C2CD5: variants seen among roughly 807,000 people sequenced by gnomAD.
C2CD5 encodes the protein C2 calcium dependent domain containing 5, also known as C2 domain-containing protein 5.
In C2CD5, 109 loss-of-function variants were observed where a neutral mutation model predicts 130.3. The ratio of observed to expected loss-of-function variants is 0.84; its 90% confidence interval spans 0.72 to 0.98. The LOEUF is 0.98. Among genes scored for constraint, C2CD5 ranks in the 50% least tolerant of loss-of-function variants. The pLI is 0.00. For synonymous variants in C2CD5, 454 were observed against 429.2 expected, an observed-to-expected ratio of 1.06 and a Z score of -0.71; for missense variants, 996 against 1,261.8, an observed-to-expected ratio of 0.79 and a Z score of 3.19.
chr12:22,489,666 G>A (rs1946083584), intron 12 of C2CD5, among the ~76,000 whole-genome samples: 1 of 151,970 alleles, frequency 6.6e-6, no homozygotes, highest in Non-Finnish European at 1.5e-5. Flanking sequence ...CTATGGACAC[G>A]GAAGGACCAT....
At chr12:22,484,933 C>G (rs3736463) in intron 12 of C2CD5, 45 bp from the exon 13 acceptor site, 6 of 960,790 alleles carry the variant, frequency 6.2e-6, no homozygotes, top group Admixed American at 3.3e-5. Context: ...AAAAATGTAC[C>G]AATTTTTTCA....
At chr12:22,496,668 T>A (rs1305556159) in intron 10 of C2CD5, among the ~76,000 whole-genome samples, 1 of 149,414 alleles carries the variant, frequency 6.7e-6, no homozygotes, top group East Asian at 1.9e-4. Context: ...AATTAATATA[T>A]TTTTATATAC....
Position 22,527,847 on chromosome 12 carries a change from G to A in C2CD5, c.223C>T (p.Leu75Phe). Residue 75 changes from leucine to phenylalanine, a missense_variant, in exon 4 of 27, where the codon CTT (leucine) becomes TTT (phenylalanine). By Grantham distance (22) the Leu-to-Phe change is conservative. This residue lies in a region of C2CD5 where 68 missense variants were observed against 154.5 expected (regional missense o/e 0.44). Coordinates refer to ENST00000446597, the MANE Select transcript of C2CD5 (RefSeq NM_001286176.2). ...LQDEPLQITVLDHDTYSANDA... is the reference protein window; with the variant it reads ...LQDEPLQITVFDHDTYSANDA... ...TTTGCACTGTAAGTATCATGGTCAA[G>A]AACTGTGATCTGTAAAGGTTCATCT... 1 of 1,611,218 alleles carries A rather than the reference G, an allele frequency of 6.2e-7. No individual in the cohort carries two copies. Among genetic ancestry groups the A allele is most frequent in the Non-Finnish European group, 8.5e-7 (1 of 1,178,042 alleles).
chr12:22,528,665 C>A (rs1030196150), intron 3 of C2CD5, among the ~76,000 whole-genome samples: 64 of 152,230 alleles, frequency 4.2e-4, no homozygotes, highest in South Asian at 1.0e-3. Context: ...GAAAATTATA[C>A]TTTTAAAATG....
intron 25 of C2CD5, 111 bp from the exon 26 acceptor site, chr12:22,454,153 T>C (rs1939292041): frequency 1.2e-6 from 1 of 831,808 alleles, no homozygotes; most frequent in Non-Finnish European, 1.8e-6. Flanking sequence ...TATCTTAATA[T>C]ACCAAATAAC....
chr12:22,492,612 C>T (rs757988049), intron 11 of C2CD5, among the ~76,000 whole-genome samples: 8 of 151,802 alleles, frequency 5.3e-5, no homozygotes, highest in Admixed American at 1.3e-4. Flanking sequence ...GAAAGGCAGA[C>T]GAATGCTTTG....
At chr12:22,510,823 TAA>T (rs952652324) in intron 9 of C2CD5, among the ~76,000 whole-genome samples, 2 of 152,108 alleles carry the variant, frequency 1.3e-5, no homozygotes, top group Non-Finnish European at 2.9e-5. Context: ...ACAGGTAAAA[TAA>T]AAGTCTTATT....
chr12:22,544,509 G>A lies in C2CD5; in HGVS notation c.-219C>T, dbSNP rs566645793. On this transcript the variant is annotated 5_prime_UTR_variant, in exon 1 of 27. Coordinates refer to ENST00000446597, the MANE Select transcript of C2CD5 (RefSeq NM_001286176.2). ...TCTCTCCTCCCCCGCTCTCAAAAAT[G>A]GCGGCTCTCGGGGCGCGGAAGAAAG... 113 of 188,244 alleles carry A rather than the reference G, an allele frequency of 6.0e-4. No homozygotes were observed. Among genetic ancestry groups the A allele is most frequent in the Admixed American group, 2.0e-3 (32 of 15,768 alleles). The allele number at this position is 188,244 out of a possible 1,614,324, so 11.7% of individuals were successfully genotyped here. A position where few individuals can be genotyped will look rare whatever the true frequency, so the allele number is the denominator to read the frequency against.
At position 22,489,850 on chromosome 12, in the gene C2CD5, C is replaced by CA. The variant is rs1055049425; in HGVS notation, c.1358+272dup. 3.3e-3 allele frequency among the ~76,000 whole-genome samples: 489 copies of CA among 147,780 alleles called. 7 individuals are homozygous for CA. The highest frequency in any genetic ancestry group is 0.012 in the African/African-American group (466 of 40,402). ...AGATTATTTCTATATCATGACAAAG[C>CA]AAAAAAAAATGGACACCTGAAATTC... On this transcript the variant is annotated intron_variant, in intron 12 of 26. Transcript: ENST00000446597.
At chr12:22,490,996 C>G (rs1469140671) in intron 11 of C2CD5, among the ~76,000 whole-genome samples, 1 of 152,124 alleles carries the variant, frequency 6.6e-6, no homozygotes, top group Non-Finnish European at 1.5e-5. Flanking sequence ...GAAGACCAGG[C>G]TTAAAGTGTA....
At position 22,525,683 on chromosome 12, in the gene C2CD5, T is replaced by A; in HGVS notation, c.372A>T (p.Val124=). The change falls in exon 5 of 27, where the codon GTA becomes GTT. Residue 124 remains valine (V), a synonymous_variant. Transcript: ENST00000446597. ...TIHGIRGEIN[V]VVKVDLFNDL... ...CATTGAAGAGGTCTACTTTGACAAC[T>A]ACATTGATTTCCCCACGGATACCTA... 8 of 1,564,244 alleles carry A rather than the reference T, an allele frequency of 5.1e-6. No homozygotes were observed. Among genetic ancestry groups the A allele is most frequent in the Non-Finnish European group, 7.0e-6 (8 of 1,135,256 alleles).
chr12:22,497,505 G>T, intron 10 of C2CD5: 1 of 293,332 alleles, frequency 3.4e-6, no homozygotes, highest in Non-Finnish European at 5.1e-6. Flanking sequence ...ATGTTAGGTT[G>T]GATCAAATAA....
At chr12:22,492,862 T>G (rs999071163) in intron 11 of C2CD5, among the ~76,000 whole-genome samples, 1 of 152,148 alleles carries the variant, frequency 6.6e-6, no homozygotes, top group Non-Finnish European at 1.5e-5. Flanking sequence ...AGATCAAGGG[T>G]TCCAAAGGTT....
chr12:22,487,071 CTT>C (rs1226670765), intron 12 of C2CD5, among the ~76,000 whole-genome samples: 1 of 152,146 alleles, frequency 6.6e-6, no homozygotes, highest in Admixed American at 6.6e-5. Flanking sequence ...GGATTAAAGA[CTT>C]AAATGTTAGA....
chr12:22,543,102 T>A (rs1409820357), intron 2 of C2CD5, among the ~76,000 whole-genome samples: 1 of 152,206 alleles, frequency 6.6e-6, no homozygotes, highest in South Asian at 2.1e-4. Context: ...AGAGAACATT[T>A]AGGAAACATC....
chr12:22,527,687 T>C, intron 4 of C2CD5, 34 bp downstream of exon 4: 1 of 1,175,238 alleles, frequency 8.5e-7, no homozygotes, highest in Non-Finnish European at 1.2e-6. Flanking sequence ...AAGATTAAGA[T>C]TGTTATTTAT....
intron 17 of C2CD5, 92 bp downstream of exon 17, chr12:22,472,652 T>G (rs1943220947): frequency 2.4e-6 from 2 of 820,812 alleles, no homozygotes; most frequent in Non-Finnish European, 4.3e-6. Context: ...GATAAGTCCT[T>G]CTTTTAAAGT....
At position 22,484,799 on chromosome 12, in the gene C2CD5, C is replaced by T. The variant is rs963418176; in HGVS notation, c.1448G>A (p.Cys483Tyr). The change falls in exon 13 of 27, where the codon TGC (cysteine) becomes TAC (tyrosine). Residue 483 changes from cysteine (C) to tyrosine (Y), a missense_variant. By Grantham distance (194) the Cys-to-Tyr change is radical. This residue lies in a region of C2CD5 where 590 missense variants were observed against 631.4 expected (regional missense o/e 0.93). Transcript: ENST00000446597. Reference sequence around the variant, plus strand: ...AACTTTTTGTTTCCTGCAGTTATAGCAATATGTGAGATGAGCTGGAAATGG... The same window carrying T: ...AACTTTTTGTTTCCTGCAGTTATAGTAATATGTGAGATGAGCTGGAAATGG... ...NMPFPAHLTY[C>Y]YNCRKQKVPD... The T allele has an allele frequency of 6.2e-7, 1 of 1,608,784 alleles. No homozygotes were observed. Among genetic ancestry groups the T allele is most frequent in the Non-Finnish European group, 8.5e-7 (1 of 1,176,616 alleles).
chr12:22,469,106 T>C (rs1942583853), intron 22 of C2CD5, among the ~76,000 whole-genome samples: 1 of 152,098 alleles, frequency 6.6e-6, no homozygotes, highest in Non-Finnish European at 1.5e-5. Context: ...CTCCCACTTT[T>C]CCCCAAAGAT....
Sources: allele counts gnomAD v4.1 joint callset (sites outside exome capture counted in the v4.1 genomes callset), GRCh38; gene constraint gnomAD v4.1.1; regional missense constraint gnomAD v4.1.1; transcripts MANE v1.5; gene names NCBI Gene and HGNC (gene_info 2026-07-23, HGNC 2026-07-21).